PIP5K1B: variants seen among roughly 807,000 people sequenced by gnomAD.
PIP5K1B encodes phosphatidylinositol 4-phosphate 5-kinase type-1 beta.
In PIP5K1B, 42 loss-of-function variants were observed where a neutral mutation model predicts 67.0. The observed-to-expected ratio is 0.63, with a 90% CI of 0.49 to 0.81. PIP5K1B has a LOEUF of 0.81. Among genes scored for constraint, PIP5K1B ranks in the 30% least tolerant of loss-of-function variants. PIP5K1B has a pLI of 0.00. For missense variants in PIP5K1B, 459 were observed against 646.3 expected (o/e 0.71, Z 3.14); for synonymous variants, 214 against 231.4 (o/e 0.92, Z 0.68).
At chr9:68,814,403 T>C (rs1424744651) in intron 2 of PIP5K1B, among the ~76,000 whole-genome samples, 1 of 152,226 alleles carries the variant, frequency 6.6e-6, no homozygotes, top group African/African-American at 2.4e-5. Flanking sequence ...AACATTGTTA[T>C]AGGCATTGCC....
At chr9:68,864,991 A>G (rs184624873) in intron 5 of PIP5K1B, among the ~76,000 whole-genome samples, 5 of 152,332 alleles carry the variant, frequency 3.3e-5, no homozygotes, top group East Asian at 1.9e-4. Context: ...CTAGGTGTCA[A>G]CTGCCTAAAA....
chr9:68,748,840 G>A (rs1200523497), intron 2 of PIP5K1B, among the ~76,000 whole-genome samples: 2 of 152,000 alleles, frequency 1.3e-5, no homozygotes, highest in Non-Finnish European at 2.9e-5. Context: ...TCGAACTCCC[G>A]ACCTCAGGTG....
At chr9:68,820,584 T>C (rs1166096171) in intron 3 of PIP5K1B, among the ~76,000 whole-genome samples, 1 of 152,146 alleles carries the variant, frequency 6.6e-6, no homozygotes, top group Non-Finnish European at 1.5e-5. Context: ...CAGAAATGGT[T>C]GATGAATCCC....
At chr9:68,875,218 T>G (rs1419541059) in intron 5 of PIP5K1B, among the ~76,000 whole-genome samples, 2 of 130,490 alleles carry the variant, frequency 1.5e-5, no homozygotes, top group African/African-American at 5.8e-5. Flanking sequence ...AGTGTAATCC[T>G]AGCCTTTCAA....
At chr9:68,889,569 C>A (rs1042167947) in intron 7 of PIP5K1B, among the ~76,000 whole-genome samples, 1 of 151,812 alleles carries the variant, frequency 6.6e-6, no homozygotes, top group Non-Finnish European at 1.5e-5. Context: ...CCCGTCTCTA[C>A]TAAAAATACA....
At chr9:69,001,951 A>G (rs1830840448) in intron 15 of PIP5K1B, among the ~76,000 whole-genome samples, 1 of 152,230 alleles carries the variant, frequency 6.6e-6, no homozygotes, top group Non-Finnish European at 1.5e-5. Context: ...TTAAAATGTT[A>G]CCACATTAAC....
At chr9:68,791,981 C>G (rs1004068614) in intron 2 of PIP5K1B, among the ~76,000 whole-genome samples, 1 of 152,124 alleles carries the variant, frequency 6.6e-6, no homozygotes, top group African/African-American at 2.4e-5. Flanking sequence ...CATCTTCTTC[C>G]TCCTTCCTCC....
At chr9:68,860,611 C>T (rs1823017820) in intron 4 of PIP5K1B, among the ~76,000 whole-genome samples, 1 of 152,230 alleles carries the variant, frequency 6.6e-6, no homozygotes, top group Non-Finnish European at 1.5e-5. Flanking sequence ...ATTCTAGGCT[C>T]ATTTTGCAAA....
intron 2 of PIP5K1B, chr9:68,788,580 C>T: frequency 3.9e-6 from 1 of 254,294 alleles, no homozygotes; most frequent in Non-Finnish European, 7.6e-6. Flanking sequence ...TTTGGAATCT[C>T]CAATGTGAAG....
intron 4 of PIP5K1B, 150 bp from the exon 5 acceptor site, chr9:68,863,687 A>G: frequency 1.8e-6 from 1 of 567,664 alleles, no homozygotes; most frequent in Non-Finnish European, 3.0e-6. Flanking sequence ...CTGCATCAAA[A>G]GAAGCAACTT....
intron 4 of PIP5K1B, among the ~76,000 whole-genome samples, chr9:68,836,319 A>G (rs184103552): frequency 7.9e-5 from 12 of 152,326 alleles, no homozygotes; most frequent in African/African-American, 2.9e-4. Flanking sequence ...TGATTTGGAT[A>G]TAACTTTAAG....
At chr9:68,980,008 TC>T (rs1192199496) in intron 14 of PIP5K1B, among the ~76,000 whole-genome samples, 1 of 152,168 alleles carries the variant, frequency 6.6e-6, no homozygotes, top group East Asian at 1.9e-4. Context: ...CTTTTCTACT[TC>T]CCTGGGTCCG....
rs371036777 is a variant in PIP5K1B, at chr9:68,917,649, G to A, written c.873G>A (p.Val291=). ...AAGAGGAGGAGACCCCACAAAATGT[G>A]CCTGATGCTAAGCGGACTGGGATGC... ...KEKEEETPQN[V]PDAKRTGMQK... The change falls in exon 9 of 16, where the codon GTG becomes GTA. Residue 291 remains valine, a synonymous_variant. Transcript: ENST00000265382. 8.1e-6 allele frequency: 13 copies of A among 1,613,850 alleles called. No individual in the cohort carries two copies. In the African/African-American group the frequency reaches 1.3e-4, roughly 17 times the overall value.
At chr9:68,780,117 A>C in intron 2 of PIP5K1B, 1 of 1,476,892 alleles carries the variant, frequency 6.8e-7, no homozygotes, top group Non-Finnish European at 8.9e-7. Context: ...GGGGAATGGG[A>C]ATCCTAGGTC....
At chr9:68,875,564 C>G (rs976636928) in intron 5 of PIP5K1B, among the ~76,000 whole-genome samples, 1 of 152,040 alleles carries the variant, frequency 6.6e-6, no homozygotes, top group Non-Finnish European at 1.5e-5. Flanking sequence ...GGCATTGATG[C>G]AAGAATCTGA....
At position 68,725,473 on chromosome 9, in the gene PIP5K1B, A is replaced by G. The variant is rs80246839; in HGVS notation, c.-242-17028A>G. 1.9e-4 allele frequency among the ~76,000 whole-genome samples: 29 copies of G among 152,306 alleles called. No individual in the cohort carries two copies. The East Asian group carries it at 5.4e-3, about 28-fold the overall frequency. On this transcript the variant is annotated intron_variant, in intron 1 of 15. Coordinates refer to ENST00000265382, the MANE Select transcript of PIP5K1B (RefSeq NM_003558.4). Reference sequence around the variant, plus strand: ...AAGCATTGCACACATTAGAGAATTTATTTTGTAAGAATTGCAGAAAGAGAT... The same window carrying G: ...AAGCATTGCACACATTAGAGAATTTGTTTTGTAAGAATTGCAGAAAGAGAT...
intron 4 of PIP5K1B, among the ~76,000 whole-genome samples, chr9:68,829,707 C>T (rs1171772067): frequency 6.6e-6 from 1 of 152,156 alleles, no homozygotes; most frequent in Non-Finnish European, 1.5e-5. Flanking sequence ...GGCATTTTTC[C>T]TAGTTGTTGT....
intron 1 of PIP5K1B, among the ~76,000 whole-genome samples, chr9:68,719,373 A>G (rs1303494148): frequency 1.3e-5 from 2 of 152,208 alleles, no homozygotes; most frequent in Non-Finnish European, 2.9e-5. Flanking sequence ...CTGCATAGCA[A>G]AGTTCCCCAG....
At chr9:68,976,817 A>T (rs540121968) in intron 14 of PIP5K1B, among the ~76,000 whole-genome samples, 1 of 152,322 alleles carries the variant, frequency 6.6e-6, no homozygotes, top group East Asian at 1.9e-4. Context: ...GAGCTTAGGC[A>T]GTAATGCTCA....
Sources: gnomAD v4.1 joint callset for allele counts (sites outside exome capture counted in the v4.1 genomes callset) on GRCh38, gnomAD v4.1.1 for gene constraint, MANE v1.5 for transcripts, NCBI Gene and HGNC (gene_info 2026-07-23, HGNC 2026-07-21) for gene names.